APP: variants seen among roughly 807,000 people sequenced by gnomAD.
APP encodes amyloid-beta precursor protein.
A neutral mutation model predicts 101.4 loss-of-function variants in APP; 31 were observed. The observed-to-expected ratio is 0.31, with a 90% CI of 0.23 to 0.41. APP has a LOEUF of 0.41. Among genes scored for constraint, APP ranks in the 10% least tolerant of loss-of-function variants. APP has a pLI of 1.00. For synonymous variants in APP, 366 were observed against 364.4 expected (o/e 1.00, Z -0.05); for missense variants, 839 against 1,003.7 (o/e 0.84, Z 2.22).
At chr21:26,007,534 A>T (rs1601188608) in intron 6 of APP, among the ~76,000 whole-genome samples, 1 of 150,008 alleles carries the variant, frequency 6.7e-6, no homozygotes, top group Admixed American at 6.6e-5. Context: ...CATAATACAT[A>T]TATCTGTCTG....
intron 14 of APP, among the ~76,000 whole-genome samples, chr21:25,907,747 T>C (rs749588223): frequency 6.6e-6 from 1 of 152,228 alleles, no homozygotes; most frequent in African/African-American, 2.4e-5. Context: ...GTACAAACTC[T>C]CTACCAGGCC....
At chr21:25,969,721 A>C (rs895990772) in intron 11 of APP, among the ~76,000 whole-genome samples, 2 of 151,300 alleles carry the variant, frequency 1.3e-5, no homozygotes, top group Non-Finnish European at 2.9e-5. Flanking sequence ...GCTTCTGTAG[A>C]CCCAACTCTC....
intron 1 of APP, among the ~76,000 whole-genome samples, chr21:26,137,312 G>A (rs954197482): frequency 4.6e-5 from 7 of 152,200 alleles, no homozygotes; most frequent in African/African-American, 1.7e-4. Context: ...GTTTCAATGA[G>A]AGCAAATGAG....
chr21:26,126,023 G>A (rs2062675160), intron 1 of APP, among the ~76,000 whole-genome samples: 2 of 152,164 alleles, frequency 1.3e-5, no homozygotes, highest in African/African-American at 4.8e-5. Context: ...ATAACAAACT[G>A]TACAATCTAT....
intron 8 of APP, among the ~76,000 whole-genome samples, chr21:25,989,615 A>G (rs1395249428): frequency 6.6e-6 from 1 of 152,228 alleles, no homozygotes; most frequent in Non-Finnish European, 1.5e-5. Context: ...ATTAGATTCT[A>G]ACAAGAAAAT....
intron 2 of APP, among the ~76,000 whole-genome samples, chr21:26,098,489 T>C (rs2061994595): frequency 6.6e-6 from 1 of 152,194 alleles, no homozygotes; most frequent in Admixed American, 6.5e-5. Flanking sequence ...GTCAGAGTCC[T>C]ACAGAAACTT....
intron 9 of APP, among the ~76,000 whole-genome samples, chr21:25,981,637 G>A (rs1375918404): frequency 6.9e-6 from 1 of 144,902 alleles, no homozygotes; most frequent in Non-Finnish European, 1.5e-5. Context: ...GATTAGCCAT[G>A]TTTTAGACAT....
intron 2 of APP, among the ~76,000 whole-genome samples, chr21:26,104,092 T>G (rs1285312791): frequency 6.6e-6 from 1 of 152,176 alleles, no homozygotes; most frequent in Non-Finnish European, 1.5e-5. Context: ...CTTCTTCGTT[T>G]GAGCAGGGAG....
intron 1 of APP, among the ~76,000 whole-genome samples, chr21:26,169,051 C>A (rs1047867252): frequency 2.6e-5 from 4 of 152,134 alleles, no homozygotes; most frequent in African/African-American, 9.7e-5. Flanking sequence ...TGTTAAGATG[C>A]CAAACAGGAA....
intron 11 of APP, among the ~76,000 whole-genome samples, chr21:25,967,790 C>T (rs1329659932): frequency 6.6e-6 from 1 of 152,106 alleles, no homozygotes; most frequent in African/African-American, 2.4e-5. Flanking sequence ...CGAGCCCTGA[C>T]AAAGTAAAAA....
intron 11 of APP, among the ~76,000 whole-genome samples, chr21:25,966,742 A>G (rs1162120797): frequency 6.6e-6 from 1 of 152,224 alleles, no homozygotes; most frequent in East Asian, 1.9e-4. Context: ...AAGGGCAATT[A>G]GCGGTATCAT....
At chr21:26,046,252 A>G (rs372694863) in intron 5 of APP, among the ~76,000 whole-genome samples, 31 of 152,150 alleles carry the variant, frequency 2.0e-4, no homozygotes, top group African/African-American at 7.5e-4. Flanking sequence ...TCTACTAAAA[A>G]TACAAAAATT....
intron 17 of APP, among the ~76,000 whole-genome samples, chr21:25,887,517 GAAAAAAAAAA>G (rs199637906): frequency 8.7e-6 from 1 of 114,464 alleles, no homozygotes; most frequent in Admixed American, 1.0e-4. Flanking sequence ...CTGCTTATTT[GAAAAAAAAAA>G]AAAAAAAAAA....
intron 1 of APP, among the ~76,000 whole-genome samples, chr21:26,137,912 T>C (rs1028631158): frequency 1.3e-5 from 2 of 152,132 alleles, no homozygotes; most frequent in African/African-American, 2.4e-5. Context: ...TGAAACAAAA[T>C]ACATGTTTGT....
intron 2 of APP, among the ~76,000 whole-genome samples, chr21:26,100,170 A>G (rs2062025779): frequency 6.6e-6 from 1 of 152,176 alleles, no homozygotes; most frequent in Non-Finnish European, 1.5e-5. Flanking sequence ...CTCTCTTTCA[A>G]TGTAGGGCTA....
intron 1 of APP, among the ~76,000 whole-genome samples, chr21:26,123,539 A>C (rs1981326): frequency 0.038 from 5,854 of 152,240 alleles, 230 homozygotes; most frequent in Admixed American, 0.12. Context: ...AATAACTTAC[A>C]CCAAAGCACT....
chr21:26,062,543 T>C (rs1426694328), intron 3 of APP, among the ~76,000 whole-genome samples: 2 of 151,160 alleles, frequency 1.3e-5, no homozygotes, highest in Admixed American at 6.6e-5. Context: ...GTGCCTGTAA[T>C]CTTAGCTACT....
chr21:26,054,620 G>GTTTTTT (rs369608335), intron 3 of APP, among the ~76,000 whole-genome samples: 8 of 108,000 alleles, frequency 7.4e-5, no homozygotes, highest in Non-Finnish European at 1.3e-4. Flanking sequence ...TAGGCCAAAA[G>GTTTTTT]TTTTTTTTTT....
chr21:26,125,642 C>T (rs2062667012), intron 1 of APP, among the ~76,000 whole-genome samples: 1 of 151,432 alleles, frequency 6.6e-6, no homozygotes, highest in Admixed American at 6.6e-5. Context: ...TATTAGAGTG[C>T]ACCAGGCTAC....
Sources: gnomAD v4.1 joint callset for allele counts (sites outside exome capture counted in the v4.1 genomes callset) on GRCh38, gnomAD v4.1.1 for gene constraint, MANE v1.5 for transcripts, NCBI Gene and HGNC (gene_info 2026-07-23, HGNC 2026-07-21) for gene names.